Variants in SMYD3 observed in about 807,000 individuals in gnomAD.
SMYD3 encodes the protein SET and MYND domain containing 3, also known as histone-lysine N-methyltransferase SMYD3.
A neutral mutation model predicts 57.7 loss-of-function variants in SMYD3; 36 were observed. The observed-to-expected ratio is 0.62, with a 90% CI of 0.48 to 0.82. The LOEUF is 0.82. SMYD3 is among the 40% of genes least tolerant of loss of function. The probability of loss-of-function intolerance (pLI) is 0.00; values close to 1 mark genes in which losing one functional copy is unlikely to be tolerated. For synonymous variants in SMYD3, 211 were observed against 195.0 expected (o/e 1.08, Z -0.68); for missense variants, 515 against 538.8 (o/e 0.96, Z 0.44).
intron 5 of SMYD3, among the ~76,000 whole-genome samples, chr1:246,296,151 A>T (rs1377247667): frequency 3.3e-5 from 5 of 152,222 alleles, no homozygotes; most frequent in Non-Finnish European, 1.5e-5. Context: ...GAGTCTGGAC[A>T]TGCAGACTAT....
At chr1:245,796,164 G>T (rs955387090) in intron 10 of SMYD3, among the ~76,000 whole-genome samples, 1 of 152,130 alleles carries the variant, frequency 6.6e-6, no homozygotes, top group Non-Finnish European at 1.5e-5. Flanking sequence ...TTCTTGGGTT[G>T]GGAAGTCTGA....
At chr1:246,397,189 G>T (rs896090611) in intron 1 of SMYD3, among the ~76,000 whole-genome samples, 1 of 152,178 alleles carries the variant, frequency 6.6e-6, no homozygotes, top group African/African-American at 2.4e-5. Context: ...TGTCAGATCA[G>T]CGGCAGCATT....
intron 10 of SMYD3, among the ~76,000 whole-genome samples, chr1:245,827,396 C>T (rs926978784): frequency 2.0e-5 from 3 of 152,148 alleles, no homozygotes; most frequent in Non-Finnish European, 4.4e-5. Context: ...GGTGATGCCT[C>T]GAACTCACGA....
At chr1:245,974,196 G>GA (rs1221412865) in intron 5 of SMYD3, among the ~76,000 whole-genome samples, 8 of 152,084 alleles carry the variant, frequency 5.3e-5, no homozygotes, top group South Asian at 2.1e-4. Context: ...TTTTCAATGA[G>GA]AAAAAATCTC....
intron 10 of SMYD3, among the ~76,000 whole-genome samples, chr1:245,820,760 CAGAG>C (rs1276541950): frequency 6.6e-6 from 1 of 150,722 alleles, no homozygotes; most frequent in Admixed American, 6.6e-5. Flanking sequence ...AACAGACAAA[CAGAG>C]AGCCAAATCA....
chr1:246,171,905 G>A (rs1030335686), intron 5 of SMYD3, among the ~76,000 whole-genome samples: 1 of 152,178 alleles, frequency 6.6e-6, no homozygotes, highest in African/African-American at 2.4e-5. Flanking sequence ...TAGCTACTCA[G>A]CAGGCTGAGG....
At chr1:245,857,862 A>T (rs1428308743) in intron 10 of SMYD3, among the ~76,000 whole-genome samples, 1 of 152,172 alleles carries the variant, frequency 6.6e-6, no homozygotes, top group Non-Finnish European at 1.5e-5. Context: ...TTTCTGAGTT[A>T]TAAAAACATC....
chr1:246,408,930 A>G (rs2066914835), intron 1 of SMYD3, among the ~76,000 whole-genome samples: 1 of 152,162 alleles, frequency 6.6e-6, no homozygotes, highest in Admixed American at 6.5e-5. Context: ...TCGGTCTCCC[A>G]AAGTGTTGGG....
chr1:246,260,450 TG>T (rs2063984195), intron 5 of SMYD3, among the ~76,000 whole-genome samples: 1 of 151,968 alleles, frequency 6.6e-6, no homozygotes, highest in East Asian at 2.0e-4. Flanking sequence ...TGTTGTTTTT[TG>T]TTTGTTTGTT....
chr1:246,327,941 C>T (rs1341413432), intron 4 of SMYD3, among the ~76,000 whole-genome samples: 1 of 152,148 alleles, frequency 6.6e-6, no homozygotes, highest in Non-Finnish European at 1.5e-5. Context: ...CGCCTGTAAC[C>T]CCAACACTTT....
intron 8 of SMYD3, among the ~76,000 whole-genome samples, chr1:245,890,973 G>T (rs2053349570): frequency 6.6e-6 from 1 of 152,184 alleles, no homozygotes; most frequent in Admixed American, 6.5e-5. Context: ...GACACAGAAA[G>T]ACCAACTTCA....
chr1:245,886,097 T>C (rs2053072777), intron 8 of SMYD3, among the ~76,000 whole-genome samples: 1 of 152,190 alleles, frequency 6.6e-6, no homozygotes, highest in South Asian at 2.1e-4. Flanking sequence ...AATGCCAAGA[T>C]TGACTAAATT....
chr1:245,800,341 A>C (rs145554690), intron 10 of SMYD3, among the ~76,000 whole-genome samples: 1 of 152,094 alleles, frequency 6.6e-6, no homozygotes, highest in Non-Finnish European at 1.5e-5. Context: ...CATGCAGTTC[A>C]TAACTATACA....
rs117926168 is a variant in SMYD3 at position 246,091,097 on chromosome 1, C to T, written c.532-161160G>A. On this transcript the variant is annotated intron_variant, in intron 5 of 11. Coordinates refer to ENST00000490107, the MANE Select transcript of SMYD3 (RefSeq NM_001167740.2). ...GGCATCCGTCAGCCAGTTAGAAACG[C>T]GGTTAGCACGGCTGCTGTTCAAAGA... is the stretch of plus-strand genomic sequence containing the variant. 8.3e-4 allele frequency among the ~76,000 whole-genome samples: 127 copies of T among 152,250 alleles called. 2 individuals carry two copies. In the East Asian group the frequency reaches 0.017, roughly 21 times the overall value.
intron 3 of SMYD3, among the ~76,000 whole-genome samples, chr1:246,331,487 T>C (rs980675579): frequency 1.3e-5 from 2 of 152,220 alleles, no homozygotes; most frequent in African/African-American, 4.8e-5. Flanking sequence ...CCTCCATCTT[T>C]ATTCCCACAA....
intron 5 of SMYD3, among the ~76,000 whole-genome samples, chr1:245,956,588 C>T (rs1192402475): frequency 1.3e-5 from 2 of 152,186 alleles, no homozygotes; most frequent in Non-Finnish European, 2.9e-5. Flanking sequence ...TTCCTTTCTT[C>T]TCTTGTGACT....
chr1:246,372,188 T>C (rs2066203429), intron 1 of SMYD3, among the ~76,000 whole-genome samples: 1 of 152,224 alleles, frequency 6.6e-6, no homozygotes, highest in Non-Finnish European at 1.5e-5. Flanking sequence ...AAGAGGTCAA[T>C]CATCTGCTGA....
At chr1:246,160,438 T>C (rs546712977) in intron 5 of SMYD3, among the ~76,000 whole-genome samples, 1 of 152,250 alleles carries the variant, frequency 6.6e-6, no homozygotes, top group South Asian at 2.1e-4. Context: ...CTGAGATACC[T>C]GGGGAGGGAG....
chr1:245,806,349 T>A (rs1200226604), intron 10 of SMYD3, among the ~76,000 whole-genome samples: 1 of 152,218 alleles, frequency 6.6e-6, no homozygotes, highest in East Asian at 1.9e-4. Context: ...TTGCTAGGAT[T>A]TGTCTTACTT....
Sources: allele counts gnomAD v4.1 joint callset (sites outside exome capture counted in the v4.1 genomes callset), GRCh38; gene constraint gnomAD v4.1.1; transcripts MANE v1.5; gene names NCBI Gene and HGNC (gene_info 2026-07-23, HGNC 2026-07-21).